The following RGS7 variants were observed in gnomAD, a reference collection of about 807,000 sequenced individuals.
The protein encoded by RGS7 is regulator of G-protein signaling 7.
In RGS7, 27 loss-of-function variants were observed where a neutral mutation model predicts 81.1. That is an observed-to-expected ratio of 0.33 (90% CI 0.25 to 0.46). The LOEUF is 0.46. RGS7 is among the 20% of genes least tolerant of loss of function. RGS7 has a pLI of 1.00. For synonymous variants in RGS7, 208 were observed against 207.7 expected, an observed-to-expected ratio of 1.00 and a Z score of -0.01; for missense variants, 396 against 607.4, an observed-to-expected ratio of 0.65 and a Z score of 3.66.
chr1:241,306,589 T>TAC (rs902314721), intron 2 of RGS7, among the ~76,000 whole-genome samples: 5 of 146,372 alleles, frequency 3.4e-5, no homozygotes, highest in African/African-American at 5.1e-5. Flanking sequence ...TACAAACCCT[T>TAC]ACACACACAC....
At chr1:241,178,455 G>A (rs2071342053) in intron 2 of RGS7, among the ~76,000 whole-genome samples, 3 of 152,182 alleles carry the variant, frequency 2.0e-5, no homozygotes, top group Admixed American at 2.0e-4. Flanking sequence ...TAAACATAGA[G>A]AAACAACCAG....
chr1:241,329,601 C>T (rs2081840339), intron 2 of RGS7, among the ~76,000 whole-genome samples: 1 of 152,158 alleles, frequency 6.6e-6, no homozygotes, highest in Non-Finnish European at 1.5e-5. Context: ...TATCAGAATA[C>T]CATACGTTCC....
In RGS7 at chr1:241,178,134, G is replaced by GA. The variant is rs559864351; in HGVS notation, c.79-79373dup. Among the ~76,000 whole-genome samples the GA allele has an allele frequency of 2.3e-3, 347 of 151,620 alleles. 3 individuals carry two copies. The highest frequency in any genetic ancestry group is 8.0e-3 in the African/African-American group (329 of 41,336). On this transcript the variant is annotated intron_variant, in intron 2 of 18. Coordinates refer to ENST00000440928, the MANE Select transcript of RGS7 (RefSeq NM_001364886.1). ...AGACCCTGTCTCTACAAAAAAGATA[G>GA]AAAAAAAATTAGTTGGGTGCAGTGA...
At chr1:241,265,358 C>T (rs1216064130) in intron 2 of RGS7, among the ~76,000 whole-genome samples, 3 of 152,200 alleles carry the variant, frequency 2.0e-5, no homozygotes, top group African/African-American at 4.8e-5. Flanking sequence ...TTGACACACG[C>T]AGTTGATTCT....
At chr1:241,350,000 T>C (rs2083136339) in intron 2 of RGS7, among the ~76,000 whole-genome samples, 1 of 152,200 alleles carries the variant, frequency 6.6e-6, no homozygotes, top group South Asian at 2.1e-4. Context: ...ATTTGCACTT[T>C]CCTCTGATCA....
intron 3 of RGS7, among the ~76,000 whole-genome samples, chr1:241,073,017 C>G (rs916832736): frequency 2.0e-5 from 3 of 152,152 alleles, no homozygotes; most frequent in African/African-American, 7.2e-5. Context: ...CCATCTCTTT[C>G]CAGCCCTGTT....
At chr1:241,035,273 T>C (rs2060267283) in intron 3 of RGS7, among the ~76,000 whole-genome samples, 1 of 152,178 alleles carries the variant, frequency 6.6e-6, no homozygotes, top group Non-Finnish European at 1.5e-5. Context: ...AGTTCATTTC[T>C]ATAATTTCTA....
At chr1:241,159,275 A>G (rs1156490157) in intron 2 of RGS7, among the ~76,000 whole-genome samples, 3 of 151,948 alleles carry the variant, frequency 2.0e-5, no homozygotes, top group Non-Finnish European at 4.4e-5. Flanking sequence ...TACACACCCA[A>G]TTTCACTGTA....
intron 3 of RGS7, among the ~76,000 whole-genome samples, chr1:241,007,533 T>C (rs2058736376): frequency 1.3e-5 from 2 of 152,202 alleles, no homozygotes; most frequent in Non-Finnish European, 2.9e-5. Context: ...TGCTCAAGAC[T>C]CAACGGTGTA....
At chr1:240,933,173 C>T (rs113222548) in intron 5 of RGS7, among the ~76,000 whole-genome samples, 6,647 of 150,938 alleles carry the variant, frequency 0.044, 245 homozygotes, top group Middle Eastern at 0.063. Flanking sequence ...TGAGCCACCG[C>T]GCCCGGCCGG....
chr1:240,932,919 T>C (rs543892215), intron 5 of RGS7, among the ~76,000 whole-genome samples: 25 of 135,008 alleles, frequency 1.9e-4, no homozygotes, highest in Non-Finnish European at 3.3e-4. Flanking sequence ...AGTCTCGCTC[T>C]GTCGCCCAGG....
intron 2 of RGS7, among the ~76,000 whole-genome samples, chr1:241,255,403 C>T (rs949586797): frequency 6.6e-6 from 1 of 152,162 alleles, no homozygotes; most frequent in Non-Finnish European, 1.5e-5. Flanking sequence ...GGCTTTTACA[C>T]AATGTTGTTT....
chr1:240,853,405 A>T (rs1253349217), intron 9 of RGS7, among the ~76,000 whole-genome samples: 3 of 152,226 alleles, frequency 2.0e-5, no homozygotes, highest in African/African-American at 7.2e-5. Context: ...ACAGCGTAAG[A>T]TACAACTTCT....
rs137889782 is a variant in RGS7, at chr1:240,795,509, T to C, written c.*6+5132A>G. Among the ~76,000 whole-genome samples, 332 of 152,300 alleles carry C rather than the reference T, an allele frequency of 2.2e-3. 2 individuals carry two copies. Among genetic ancestry groups the C allele is most frequent in the African/African-American group, 7.6e-3 (317 of 41,564 alleles). ...AAGATACAAAAGAGATAAAAAGAGA[T>C]AAATGGATACCTCTTCCCTTGTAAA... On this transcript the variant is annotated intron_variant, in intron 18 of 18. Coordinates refer to ENST00000440928, the MANE Select transcript of RGS7 (RefSeq NM_001364886.1).
At chr1:240,828,944 T>A (rs1169959391) in intron 9 of RGS7, among the ~76,000 whole-genome samples, 2 of 151,550 alleles carry the variant, frequency 1.3e-5, no homozygotes, top group Non-Finnish European at 2.9e-5. Flanking sequence ...GGAGTTGGGG[T>A]GGGGTTGGGA....
intron 17 of RGS7, 106 bp downstream of exon 17, chr1:240,801,349 G>T: frequency 1.4e-6 from 1 of 728,110 alleles, no homozygotes. Flanking sequence ...AAACACTTTT[G>T]CTGTTATATC....
intron 4 of RGS7, among the ~76,000 whole-genome samples, chr1:240,939,073 G>C (rs951038302): frequency 3.3e-5 from 5 of 152,136 alleles, no homozygotes; most frequent in Non-Finnish European, 5.9e-5. Flanking sequence ...GGATTGACGT[G>C]AGAATGACAT....
Position 241,306,146 on chromosome 1 carries a change from ACACT to A in RGS7, c.78+49549_78+49552del, listed in dbSNP as rs1266707084. The stretch of plus-strand genomic sequence containing the variant: ...CTCTTTTTCACACACACACACACAC[ACACT>A]CACACACGTCCACACACATTCACAC... On this transcript the variant is annotated intron_variant, in intron 2 of 18. Coordinates refer to ENST00000440928, the MANE Select transcript of RGS7 (RefSeq NM_001364886.1). Among the ~76,000 whole-genome samples, 851 of 151,392 alleles carry A rather than the reference ACACT, an allele frequency of 5.6e-3. 12 individuals carry two copies. Among genetic ancestry groups the A allele is most frequent in the African/African-American group, 0.02 (814 of 41,196 alleles).
At chr1:241,113,414 C>T (rs142631790) in intron 2 of RGS7, among the ~76,000 whole-genome samples, 96 of 152,268 alleles carry the variant, frequency 6.3e-4, no homozygotes, top group African/African-American at 2.2e-3. Context: ...AAATGCCCTC[C>T]ATTGAAAGCC....
Sources: allele counts gnomAD v4.1 joint callset (sites outside exome capture counted in the v4.1 genomes callset), GRCh38; gene constraint gnomAD v4.1.1; transcripts MANE v1.5; gene names NCBI Gene and HGNC (gene_info 2026-07-23, HGNC 2026-07-21).